Variants in CLIC5 observed in about 807,000 individuals in gnomAD.
CLIC5 encodes the protein CLIC family member 5, also known as chloride intracellular channel protein 5.
Under a neutral mutation model 24.7 loss-of-function variants are expected in CLIC5, and 20 were observed. The ratio of observed to expected loss-of-function variants is 0.81; its 90% CI spans 0.57 to 1.18. The LOEUF is 1.18. CLIC5 is among the 50% of genes most tolerant of loss of function. CLIC5 has a pLI of 0.00. For missense variants in CLIC5, 341 were observed against 326.1 expected, an observed-to-expected ratio of 1.05 and a Z score of -0.35; for synonymous variants, 159 against 135.6, an observed-to-expected ratio of 1.17 and a Z score of -1.20.
rs530151036 is a variant in CLIC5 at position 46,024,502 on chromosome 6, AAGAC to A, written c.540+55197_540+55200del. Among the ~76,000 whole-genome samples the A allele has an allele frequency of 1.3e-4, 20 of 152,296 alleles. 2 individuals are homozygous for A. The South Asian group carries it at 4.1e-3, about 32-fold the overall frequency. ...CTCTTTGAACTATCCCACCACCACTAAGACAGAACCTGACTGAGAGTAAAGCCAA... is the reference window on the plus strand; with the variant it reads ...CTCTTTGAACTATCCCACCACCACTAAGAACCTGACTGAGAGTAAAGCCAA... On this transcript the variant is annotated intron_variant, in intron 1 of 5. Coordinates refer to the CLIC5 transcript ENST00000185206.
At chr6:45,912,151 A>G in intron 5 of CLIC5, 2 of 986,600 alleles carry the variant, frequency 2.0e-6, no homozygotes, top group Non-Finnish European at 2.4e-6. Context: ...AAGTTTTGGC[A>G]TCCGAAGCCA....
intron 4 of CLIC5, among the ~76,000 whole-genome samples, chr6:45,941,338 CA>C (rs1254069629): frequency 6.6e-6 from 1 of 152,134 alleles, no homozygotes; most frequent in Non-Finnish European, 1.5e-5. Flanking sequence ...TTTCCTCCTG[CA>C]CCAGCTAGGC....
intron 5 of CLIC5, chr6:45,911,594 G>A: frequency 1.0e-6 from 1 of 984,794 alleles, no homozygotes. Flanking sequence ...TTTTCACAGT[G>A]ACACACTGAT....
intron 1 of CLIC5, among the ~76,000 whole-genome samples, chr6:46,078,646 C>T (rs1468701709): frequency 6.6e-6 from 1 of 152,118 alleles, no homozygotes; most frequent in Admixed American, 6.6e-5. Flanking sequence ...ACAGCCCTTT[C>T]CCCCCAAATG....
intron 1 of CLIC5, among the ~76,000 whole-genome samples, chr6:46,004,816 C>A (rs1460398396): frequency 1.3e-5 from 2 of 152,168 alleles, no homozygotes; most frequent in Non-Finnish European, 1.5e-5. Flanking sequence ...TGGGGAAGCC[C>A]TGCCCAGAAC....
intron 5 of CLIC5, chr6:45,912,483 A>G: frequency 9.9e-6 from 13 of 1,309,370 alleles, no homozygotes; most frequent in South Asian, 1.6e-5. Flanking sequence ...TAGTGAATAC[A>G]TGTTTGAGCA....
chr6:45,961,921 T>C (rs968145843), intron 1 of CLIC5, among the ~76,000 whole-genome samples: 56 of 152,150 alleles, frequency 3.7e-4, no homozygotes, highest in Admixed American at 1.3e-4. Flanking sequence ...ATGGGCTTAA[T>C]TAGCTCTATG....
At chr6:46,046,452 T>C (rs1349910650) in intron 1 of CLIC5, among the ~76,000 whole-genome samples, 1 of 151,962 alleles carries the variant, frequency 6.6e-6, no homozygotes, top group Non-Finnish European at 1.5e-5. Flanking sequence ...GCAAAGAGAG[T>C]GGGAAATGGT....
At chr6:46,010,414 C>G (rs1766763709) in intron 1 of CLIC5, among the ~76,000 whole-genome samples, 1 of 152,152 alleles carries the variant, frequency 6.6e-6, no homozygotes, top group African/African-American at 2.4e-5. Flanking sequence ...GTCAAGCAGC[C>G]CATCCTGGCC....
chr6:45,969,297 A>T (rs1277716288), intron 1 of CLIC5, among the ~76,000 whole-genome samples: 1 of 152,210 alleles, frequency 6.6e-6, no homozygotes, highest in African/African-American at 2.4e-5. Context: ...CAAAGGAAGA[A>T]CCACCTGTGA....
chr6:46,012,683 C>T (rs1269339724), intron 1 of CLIC5, among the ~76,000 whole-genome samples: 1 of 152,184 alleles, frequency 6.6e-6, no homozygotes, highest in Admixed American at 6.5e-5. Context: ...GATCTGAATG[C>T]TATCTGCCAT....
chr6:45,919,457 A>T (rs1375417657), intron 4 of CLIC5, among the ~76,000 whole-genome samples: 1 of 152,092 alleles, frequency 6.6e-6, no homozygotes, highest in Non-Finnish European at 1.5e-5. Flanking sequence ...CACCACACGG[A>T]GCTCTTAACA....
exon 1 of CLIC5, chr6:46,079,758 C>T (rs1208387677): frequency 1.3e-6 from 2 of 1,551,908 alleles, no homozygotes; most frequent in Non-Finnish European, 1.7e-6. Context: ...TTCTTCCAAA[C>T]CTTCAGCATC....
At chr6:45,908,075 T>C (rs1389773506) in intron 5 of CLIC5, among the ~76,000 whole-genome samples, 1 of 152,222 alleles carries the variant, frequency 6.6e-6, no homozygotes, top group Non-Finnish European at 1.5e-5. Flanking sequence ...CATAATAGTC[T>C]TTAAGGATCT....
chr6:45,930,966 C>T (rs1000385447), intron 4 of CLIC5, among the ~76,000 whole-genome samples: 4 of 152,168 alleles, frequency 2.6e-5, no homozygotes, highest in African/African-American at 9.7e-5. Flanking sequence ...AGGACTAAAT[C>T]CAGTTCACTG....
the CLIC5 span, among the ~76,000 whole-genome samples, chr6:46,094,150 T>C: frequency 6.6e-6 from 1 of 152,180 alleles, no homozygotes; most frequent in Non-Finnish European, 1.5e-5. Flanking sequence ...GAAATCTGGC[T>C]CCATAAGCCA....
chr6:45,893,559 C>G (rs756057415), downstream of CLIC5, among the ~76,000 whole-genome samples: 7 of 152,148 alleles, frequency 4.6e-5, no homozygotes, highest in Non-Finnish European at 8.8e-5. Context: ...GCAGGGCCTG[C>G]CAGCTCTCTA....
At chr6:46,017,140 C>G (rs528951299), upstream of CLIC5, among the ~76,000 whole-genome samples, 18 of 152,306 alleles carry the variant, frequency 1.2e-4, no homozygotes, top group Admixed American at 5.2e-4. Flanking sequence ...GTTGCACCAA[C>G]AGACATTCCC....
chr6:46,073,576 T>C (rs577323322), intron 1 of CLIC5, among the ~76,000 whole-genome samples: 1 of 152,370 alleles, frequency 6.6e-6, no homozygotes, highest in East Asian at 1.9e-4. Context: ...AAATTCTTTT[T>C]AATTTGCTTG....
Sources: gnomAD v4.1 joint callset for allele counts (sites outside exome capture counted in the v4.1 genomes callset) on GRCh38, gnomAD v4.1.1 for gene constraint, MANE v1.5 for transcripts, NCBI Gene and HGNC (gene_info 2026-07-23, HGNC 2026-07-21) for gene names.